Variants in PKD1L1 observed in about 807,000 individuals in gnomAD.
PKD1L1 encodes polycystin 1 like 1, transient receptor potential channel interacting, also known as polycystin-1-like protein 1.
In PKD1L1, 236 loss-of-function variants were observed where a neutral mutation model predicts 323.4. The observed-to-expected ratio is 0.73, with a 90% CI of 0.66 to 0.81. The LOEUF is 0.81. PKD1L1 is among the 40% of genes least tolerant of loss of function. The pLI, the probability that PKD1L1 is intolerant of heterozygous loss-of-function variation, is 0.00. For synonymous variants in PKD1L1, 1,344 were observed against 1,335.0 expected (o/e 1.01, Z -0.15); for missense variants, 3,320 against 3,508.0 (o/e 0.95, Z 1.35).
chr7:47,881,121 G>T (rs1786545026), intron 20 of PKD1L1, among the ~76,000 whole-genome samples: 1 of 151,850 alleles, frequency 6.6e-6, no homozygotes, highest in Admixed American at 6.6e-5. Context: ...GTTTAATTTG[G>T]CAATTTTATA....
rs563683432 is a variant in PKD1L1, at chr7:47,824,241, T to C, written c.6855-3055A>G. On this transcript the variant is annotated intron_variant, in intron 45 of 56. Transcript: ENST00000289672. ...TGCTGGAAAAATCTAGGAAAATATT[T>C]TTAAAAACCCACATGATTCCATACC... Among the ~76,000 whole-genome samples the C allele has an allele frequency of 1.1e-4, 16 of 152,290 alleles. No homozygotes were observed. In the South Asian group the frequency reaches 3.3e-3, roughly 32 times the overall value.
rs114439460 is a variant in PKD1L1, at chr7:47,840,071, C to A, written c.5552+390G>T. On this transcript the variant is annotated intron_variant, in intron 35 of 56. Transcript: ENST00000289672. The surrounding 1 kb of genome is among the most constrained non-coding windows in gnomAD (Gnocchi z 4.1). ...CTCAGTCCTTTCATATTTTCTAAGA[C>A]GCCAGGTGCTTGCATCCTATCTTGT... is the stretch of plus-strand genomic sequence containing the variant. Among the ~76,000 whole-genome samples, 1 of 152,070 alleles carries A rather than the reference C, an allele frequency of 6.6e-6. No individual in the cohort carries two copies. Among genetic ancestry groups the A allele is most frequent in the Non-Finnish European group, 1.5e-5 (1 of 68,022 alleles).
At chr7:47,877,289 G>A (rs957699682) in intron 22 of PKD1L1, among the ~76,000 whole-genome samples, 200 bp downstream of exon 22, 1 of 152,110 alleles carries the variant, frequency 6.6e-6, no homozygotes, top group South Asian at 2.1e-4. Flanking sequence ...CTCAACCAGG[G>A]GGCCACTTTG....
chr7:47,955,738 G>A, the PKD1L1 span, among the ~76,000 whole-genome samples: 1 of 152,146 alleles, frequency 6.6e-6, no homozygotes, highest in Non-Finnish European at 1.5e-5. Context: ...TTGAGTCAAA[G>A]GAGACACACA....
Position 47,932,026 on chromosome 7 carries a change from T to C in PKD1L1, c.429A>G (p.Ala143=). The C allele has an allele frequency of 1.2e-6, 2 of 1,611,970 alleles. No homozygotes were observed. The highest frequency in any genetic ancestry group is 1.7e-6 in the Non-Finnish European group (2 of 1,178,928). ...RIPHKPFIII[A]RAWSSGGPRF... is the part of the protein sequence containing the mutation. Reference sequence around the variant, plus strand: ...TGGGGCCACCACTGCTCCAGGCCCTTGCGATTATAATGAAAGGTTTGTGGG... The same window carrying C: ...TGGGGCCACCACTGCTCCAGGCCCTCGCGATTATAATGAAAGGTTTGTGGG... Residue 143 remains alanine (A), a synonymous_variant, in exon 5 of 57, where the codon GCA becomes GCG. Coordinates refer to ENST00000289672, the MANE Select transcript of PKD1L1 (RefSeq NM_138295.5).
At chr7:47,834,431 T>TA (rs1414292186) in intron 39 of PKD1L1, 46 bp from the exon 40 acceptor site, 1 of 1,522,206 alleles carries the variant, frequency 6.6e-7, no homozygotes, top group East Asian at 2.3e-5. Flanking sequence ...TTTGGGGTGA[T>TA]ACATTTAAAC....
Position 47,842,705 on chromosome 7 carries a change from C to T in PKD1L1, c.5445+257G>A, listed in dbSNP as rs558436221. On this transcript the variant is annotated intron_variant, in intron 34 of 56. Transcript: ENST00000289672. ...TCCACTCAGAGACAGAACATATCTC[C>T]CCGGGCTGCTTTCCACAGTGGAGAC... is the stretch of plus-strand genomic sequence containing the variant. Among the ~76,000 whole-genome samples the T allele has an allele frequency of 7.0e-4, 106 of 152,290 alleles. 2 individuals are homozygous for T. Among genetic ancestry groups the T allele is most frequent in the Non-Finnish European group, 1.2e-3 (80 of 68,030 alleles).
In PKD1L1 at chr7:47,866,461, A is replaced by G. The variant is rs1786171252; in HGVS notation, c.4050T>C (p.Asp1350=). 2.5e-6 allele frequency: 4 copies of G among 1,613,718 alleles called. No individual in the cohort carries two copies. The highest frequency in any genetic ancestry group is 3.3e-5 in the Admixed American group (2 of 59,948). ...ATCTGCATACTGAAGAAATTAATGC[A>G]TCCTGTATTCGTGACCATTGGTTGC... ...ASCNQWSRIQ[D]ALISSVCRLA... Residue 1350 remains aspartate, a synonymous_variant, in exon 25 of 57, where the codon GAT becomes GAC. Transcript: ENST00000289672.
intron 45 of PKD1L1, among the ~76,000 whole-genome samples, chr7:47,823,046 C>T (rs189013234): frequency 4.6e-5 from 7 of 151,878 alleles, no homozygotes; most frequent in South Asian, 4.2e-4. Flanking sequence ...CAAATCAATA[C>T]GTTTTTAACT....
chr7:47,846,411 A>T (rs1049302203), intron 32 of PKD1L1, among the ~76,000 whole-genome samples: 2 of 152,176 alleles, frequency 1.3e-5, no homozygotes, highest in Admixed American at 1.3e-4. Context: ...CACCTTCACC[A>T]CCAGGCTGTG....
intron 25 of PKD1L1, among the ~76,000 whole-genome samples, chr7:47,865,672 G>A (rs1016333044): frequency 1.3e-5 from 2 of 151,688 alleles, no homozygotes; most frequent in African/African-American, 4.9e-5. Flanking sequence ...TGCAAGCTCT[G>A]CCTCCCGGGT....
At chr7:47,873,776 C>A in intron 24 of PKD1L1, 123 bp downstream of exon 24, 1 of 636,734 alleles carries the variant, frequency 1.6e-6, no homozygotes, top group Non-Finnish European at 2.6e-6. Flanking sequence ...TTTTTATTTG[C>A]TCCATCTTAA....
At chr7:47,895,650 G>A (rs1786919980) in intron 14 of PKD1L1, among the ~76,000 whole-genome samples, 1 of 152,156 alleles carries the variant, frequency 6.6e-6, no homozygotes, top group Non-Finnish European at 1.5e-5. Context: ...TTTGGGTGGA[G>A]ACAATATTGC....
At chr7:47,912,173 A>G (rs756180767) in intron 8 of PKD1L1, among the ~76,000 whole-genome samples, 4 of 152,184 alleles carry the variant, frequency 2.6e-5, no homozygotes, top group African/African-American at 4.8e-5. Flanking sequence ...AAGACCAGAG[A>G]GCATCTGGTC....
chr7:47,880,343 G>A (rs1246160882), intron 21 of PKD1L1, among the ~76,000 whole-genome samples: 24 of 130,338 alleles, frequency 1.8e-4, no homozygotes, highest in African/African-American at 6.3e-4. Context: ...GTTCAGTGGC[G>A]CGATCTTGGC....
At chr7:47,832,348 G>T (rs1024809963) in intron 41 of PKD1L1, among the ~76,000 whole-genome samples, 4 of 152,194 alleles carry the variant, frequency 2.6e-5, no homozygotes, top group Non-Finnish European at 5.9e-5. Context: ...TTTCCCTTCT[G>T]ATCTACTGCT....
chr7:47,791,214 G>A lies in PKD1L1; in HGVS notation c.8526+1413C>T, dbSNP rs140167182. Among the ~76,000 whole-genome samples the A allele has an allele frequency of 3.6e-3, 548 of 151,992 alleles. 3 individuals are homozygous for A. The highest frequency in any genetic ancestry group is 6.4e-3 in the Non-Finnish European group (433 of 67,964). ...GACACTAATTATAGATACCCTTTCC[G>A]TGTCTTACGCACATTCTTCCTGGTC... On this transcript the variant is annotated intron_variant, in intron 56 of 56. Transcript: ENST00000289672.
chr7:47,888,916 G>A (rs183319993), intron 16 of PKD1L1, among the ~76,000 whole-genome samples: 4 of 152,112 alleles, frequency 2.6e-5, no homozygotes, highest in African/African-American at 7.2e-5. Context: ...AGGCCAGGTC[G>A]GTAGATACTC....
At chr7:47,882,215 T>C in intron 19 of PKD1L1, 130 bp from the exon 20 acceptor site, 1 of 978,168 alleles carries the variant, frequency 1.0e-6, no homozygotes, top group Non-Finnish European at 1.5e-6. Flanking sequence ...TAATATAATG[T>C]CTTCAGCAGC....
Sources: gnomAD v4.1 joint callset for allele counts (sites outside exome capture counted in the v4.1 genomes callset) on GRCh38, gnomAD v4.1.1 for gene constraint, Gnocchi (gnomAD v3.1) non-coding constraint, MANE v1.5 for transcripts, NCBI Gene and HGNC (gene_info 2026-07-23, HGNC 2026-07-21) for gene names.